Variants in HHAT observed in about 807,000 individuals in gnomAD.
The protein encoded by HHAT is protein-cysteine N-palmitoyltransferase HHAT.
HHAT carries 47 observed loss-of-function variants against 70.8 expected under a neutral mutation model. The observed-to-expected ratio is 0.66, with a 90% CI of 0.53 to 0.85. The LOEUF is 0.85. Ranked by LOEUF, HHAT falls within the 40% of genes least tolerant of loss-of-function variation. The pLI, the probability that HHAT is intolerant of heterozygous loss-of-function variation, is 0.00. For missense variants in HHAT, 609 were observed against 604.8 expected, an observed-to-expected ratio of 1.01 and a Z score of -0.07; for synonymous variants, 228 against 247.6, an observed-to-expected ratio of 0.92 and a Z score of 0.74.
chr1:210,384,013 T>C (rs1301181431), intron 3 of HHAT, among the ~76,000 whole-genome samples: 1 of 152,116 alleles, frequency 6.6e-6, no homozygotes, highest in Non-Finnish European at 1.5e-5. Flanking sequence ...ATTTAGACTT[T>C]GAGCTCCTCA....
At chr1:210,544,603 C>G (rs2095466734) in intron 9 of HHAT, among the ~76,000 whole-genome samples, 1 of 151,954 alleles carries the variant, frequency 6.6e-6, no homozygotes, top group Admixed American at 6.6e-5. Flanking sequence ...GAACTCCTGA[C>G]TTCAGGTGAT....
At chr1:210,490,747 G>A (rs943030972) in intron 8 of HHAT, among the ~76,000 whole-genome samples, 1 of 152,142 alleles carries the variant, frequency 6.6e-6, no homozygotes, top group Non-Finnish European at 1.5e-5. Context: ...TAACCTGGGT[G>A]TCATGTCTTA....
intron 1 of HHAT, among the ~76,000 whole-genome samples, chr1:210,347,562 G>A (rs1282074274): frequency 1.3e-5 from 2 of 152,176 alleles, no homozygotes; most frequent in East Asian, 3.8e-4. Context: ...TTGTTACTTG[G>A]AACATTTGGA....
upstream of HHAT, chr1:210,328,857 C>T: frequency 2.2e-6 from 1 of 448,778 alleles, no homozygotes; most frequent in Admixed American, 4.5e-5. Flanking sequence ...TCGCCATCGC[C>T]CGGAGAGCGC....
Position 210,386,230 on chromosome 1 carries a change from C to CTTTTTTTTTTTTTTTTT in HHAT, c.160-1228_160-1212dup, listed in dbSNP as rs869305965. Among the ~76,000 whole-genome samples, 13 of 69,924 alleles carry CTTTTTTTTTTTTTTTTT rather than the reference C, an allele frequency of 1.9e-4. 1 individual carries two copies. The highest frequency in any genetic ancestry group is 3.5e-4 in the Admixed American group (2 of 5,652). 45.9% of individuals were successfully genotyped at this position (69,924 alleles called of 152,430 possible). ...ATTGCAGGAGTCCTTTTCTTTTTTT[C>CTTTTTTTTTTTTTTTTT]TTTTTTTTTTTTTTTTTTTTTTTTT... On this transcript the variant is annotated intron_variant, in intron 3 of 11. Transcript: ENST00000261458.
chr1:210,373,500 T>C, intron 3 of HHAT, among the ~76,000 whole-genome samples: 1 of 151,896 alleles, frequency 6.6e-6, no homozygotes, highest in Non-Finnish European at 1.5e-5. Flanking sequence ...AGATGTAAAG[T>C]GGGGTGTCTT....
At chr1:210,639,112 A>G (rs1360000968) in intron 11 of HHAT, among the ~76,000 whole-genome samples, 3 of 152,002 alleles carry the variant, frequency 2.0e-5, no homozygotes, top group African/African-American at 4.8e-5. Context: ...CCATCTGTCT[A>G]TTTGTCTTCC....
Position 210,494,951 on chromosome 1 carries a change from G to A in HHAT, c.1008-18202G>A, listed in dbSNP as rs1484701093. 4.6e-5 allele frequency among the ~76,000 whole-genome samples: 7 copies of A among 152,248 alleles called. No individual in the cohort carries two copies. The South Asian group carries it at 1.5e-3, about 32-fold the overall frequency. ...AGCCCTGAGCTGGGACTCCCAATTT[G>A]GGAGTCTTTAGCATAGGTAGCACTT... is the stretch of plus-strand genomic sequence containing the variant. On this transcript the variant is annotated intron_variant, in intron 8 of 11. Transcript: ENST00000261458.
chr1:210,593,562 G>T (rs1662238633), intron 10 of HHAT, among the ~76,000 whole-genome samples: 1 of 152,088 alleles, frequency 6.6e-6, no homozygotes, highest in African/African-American at 2.4e-5. Flanking sequence ...TTTTAAAAAT[G>T]TTTTAAGACT....
intron 9 of HHAT, among the ~76,000 whole-genome samples, chr1:210,550,560 T>C (rs2095519540): frequency 6.7e-6 from 1 of 148,870 alleles, no homozygotes; most frequent in Non-Finnish European, 1.5e-5. Flanking sequence ...GACCCCCTTC[T>C]CTCCTGCAGG....
At chr1:210,456,955 C>T (rs372130607) in intron 7 of HHAT, among the ~76,000 whole-genome samples, 1 of 152,326 alleles carries the variant, frequency 6.6e-6, no homozygotes, top group East Asian at 1.9e-4. Context: ...AGCTGTTCCT[C>T]AGTTCTGCCC....
At chr1:210,499,224 T>G (rs73077516) in intron 8 of HHAT, among the ~76,000 whole-genome samples, 2,074 of 152,294 alleles carry the variant, frequency 0.014, 52 homozygotes, top group African/African-American at 0.048. Context: ...TCCATGTCCC[T>G]CTGGTCTCTG....
rs564665693 is a variant in HHAT, at chr1:210,454,292, G to A, written c.857-10213G>A. ...CCTTCGGCCGGGCACGGTGACTCAC[G>A]CCTGTAATCCCAGCACTTCGGGAGG... is the stretch of plus-strand genomic sequence containing the variant. On this transcript the variant is annotated intron_variant, in intron 7 of 11. Coordinates refer to ENST00000261458, the MANE Select transcript of HHAT (RefSeq NM_018194.6). Among the ~76,000 whole-genome samples the A allele has an allele frequency of 9.2e-5, 14 of 152,252 alleles. No individual in the cohort carries two copies. In the South Asian group the frequency reaches 2.1e-3, roughly 23 times the overall value.
chr1:210,523,959 G>A (rs980827676), intron 9 of HHAT, among the ~76,000 whole-genome samples: 8 of 152,220 alleles, frequency 5.3e-5, no homozygotes, highest in African/African-American at 1.9e-4. Flanking sequence ...ACATGCGTGA[G>A]CATGGAGGAC....
At chr1:210,429,949 A>G (rs1260867063) in intron 7 of HHAT, among the ~76,000 whole-genome samples, 1 of 151,922 alleles carries the variant, frequency 6.6e-6, no homozygotes, top group Admixed American at 6.6e-5. Flanking sequence ...GATAGGTGGC[A>G]TTCTTCTGTA....
chr1:210,653,521 C>A (rs35795424), intron 11 of HHAT, among the ~76,000 whole-genome samples: 42,377 of 147,554 alleles, frequency 0.29, 6,511 homozygotes, highest in East Asian at 0.38. Context: ...CAGAGCGAGA[C>A]CCTGTCTCAA....
intron 7 of HHAT, among the ~76,000 whole-genome samples, chr1:210,450,537 C>T (rs1166617020): frequency 1.3e-5 from 2 of 150,718 alleles, no homozygotes; most frequent in Non-Finnish European, 2.9e-5. Flanking sequence ...TGCTCTGTTG[C>T]CCAGGCTGTA....
At chr1:210,624,186 G>A (rs1669413864) in intron 11 of HHAT, among the ~76,000 whole-genome samples, 1 of 152,118 alleles carries the variant, frequency 6.6e-6, no homozygotes, top group Non-Finnish European at 1.5e-5. Flanking sequence ...AAAGACCTGA[G>A]ATAGGATGCT....
intron 2 of HHAT, among the ~76,000 whole-genome samples, chr1:210,362,183 A>G (rs569413672): frequency 6.6e-6 from 1 of 152,102 alleles, no homozygotes; most frequent in African/African-American, 2.4e-5. Flanking sequence ...TTAGCATTAT[A>G]TCATAGCGGA....
Sources: allele counts gnomAD v4.1 joint callset (sites outside exome capture counted in the v4.1 genomes callset), GRCh38; gene constraint gnomAD v4.1.1; transcripts MANE v1.5; gene names NCBI Gene and HGNC (gene_info 2026-07-23, HGNC 2026-07-21).